The following LRRC7 variants were observed in gnomAD, a reference collection of about 807,000 sequenced individuals.
LRRC7 encodes the protein leucine rich repeat containing 7, also known as leucine-rich repeat-containing protein 7.
LRRC7 carries 23 observed loss-of-function variants against 175.7 expected under a neutral mutation model. The ratio of observed to expected loss-of-function variants is 0.13; its 90% CI spans 0.09 to 0.19. The LOEUF is 0.19. LRRC7 is among the 10% of genes least tolerant of loss of function. The pLI, the probability that LRRC7 is intolerant of heterozygous loss-of-function variation, is 1.00. For missense variants in LRRC7, 1,354 were observed against 1,904.7 expected (o/e 0.71, Z 5.38); for synonymous variants, 685 against 680.9 (o/e 1.01, Z -0.09).
intron 7 of LRRC7, among the ~76,000 whole-genome samples, chr1:69,870,674 G>A (rs753848013): frequency 2.0e-5 from 3 of 151,806 alleles, no homozygotes; most frequent in South Asian, 2.1e-4. Context: ...TATAGTAAAC[G>A]CTTATGGAGA....
rs1016852978 is a variant in LRRC7, at chr1:69,601,113, G to A, written c.2+32472G>A. On this transcript the variant is annotated intron_variant, in intron 1 of 26. Transcript: ENST00000651989. ...TTACAGGCATGAGCCACCGTGCCTC[G>A]CCCCTGGTTCTTTTTATTAAAGAAT... Among the ~76,000 whole-genome samples, 12 of 152,024 alleles carry A rather than the reference G, an allele frequency of 7.9e-5. No homozygotes were observed. The South Asian group carries it at 1.0e-3, about 13-fold the overall frequency.
intron 1 of LRRC7, among the ~76,000 whole-genome samples, chr1:69,581,019 A>C (rs1254608587): frequency 6.6e-6 from 1 of 152,156 alleles, no homozygotes; most frequent in Non-Finnish European, 1.5e-5. Context: ...GGTACACTGG[A>C]GGGCAATGTG....
chr1:69,721,291 G>A (rs1190037544), intron 2 of LRRC7, among the ~76,000 whole-genome samples: 1 of 151,750 alleles, frequency 6.6e-6, no homozygotes, highest in African/African-American at 2.4e-5. Flanking sequence ...CTATGGGTTT[G>A]GACAAATGTA....
At chr1:69,737,277 C>T (rs1172975532) in intron 2 of LRRC7, among the ~76,000 whole-genome samples, 2 of 152,020 alleles carry the variant, frequency 1.3e-5, no homozygotes, top group Non-Finnish European at 2.9e-5. Context: ...TTTTCCCATG[C>T]TGTTCTCGTG....
intron 18 of LRRC7, among the ~76,000 whole-genome samples, chr1:70,033,569 A>G (rs1289234361): frequency 1.3e-5 from 2 of 151,974 alleles, no homozygotes; most frequent in African/African-American, 4.8e-5. Context: ...ACAAGTTCAT[A>G]ATTAGCTGAT....
chr1:69,788,156 A>C (rs139891958), intron 3 of LRRC7, among the ~76,000 whole-genome samples: 14 of 152,280 alleles, frequency 9.2e-5, no homozygotes, highest in African/African-American at 2.6e-4. Context: ...GAGTCCAAGC[A>C]GTCTTCTATC....
At chr1:69,762,869 A>G (rs1256707059) in intron 3 of LRRC7, among the ~76,000 whole-genome samples, 3 of 152,072 alleles carry the variant, frequency 2.0e-5, no homozygotes, top group African/African-American at 7.2e-5. Flanking sequence ...ATTATCCTTT[A>G]TCATTGACCT....
chr1:69,782,762 G>A (rs1673917962), intron 3 of LRRC7, among the ~76,000 whole-genome samples: 1 of 152,156 alleles, frequency 6.6e-6, no homozygotes, highest in African/African-American at 2.4e-5. Flanking sequence ...TGCTTTTTTA[G>A]AAGGAACATG....
chr1:69,931,410 G>A (rs1352323267), intron 7 of LRRC7, 97 bp from the exon 8 acceptor site: 8 of 904,534 alleles, frequency 8.8e-6, no homozygotes, highest in East Asian at 5.2e-5. Flanking sequence ...TGTGTACTAC[G>A]CAATCAGGTA....
chr1:69,909,138 C>T (rs1262688116), intron 7 of LRRC7, among the ~76,000 whole-genome samples: 5 of 152,030 alleles, frequency 3.3e-5, no homozygotes, highest in Non-Finnish European at 1.5e-5. Context: ...CTTCCTCCAT[C>T]CTTTTATTTT....
intron 7 of LRRC7, among the ~76,000 whole-genome samples, chr1:69,857,074 T>TA (rs1231734201): frequency 6.6e-6 from 1 of 152,180 alleles, no homozygotes; most frequent in Non-Finnish European, 1.5e-5. Context: ...TCCTTCATGC[T>TA]AAAAACTCTC....
chr1:69,800,411 A>G (rs1676331729), intron 4 of LRRC7, among the ~76,000 whole-genome samples: 1 of 151,898 alleles, frequency 6.6e-6, no homozygotes, highest in Non-Finnish European at 1.5e-5. Flanking sequence ...GTCATCTACA[A>G]TTTGTTTCAC....
At chr1:69,878,897 GTA>G (rs1441799448) in intron 7 of LRRC7, among the ~76,000 whole-genome samples, 2 of 147,802 alleles carry the variant, frequency 1.4e-5, no homozygotes, top group African/African-American at 4.9e-5. Context: ...ATTATAAAAT[GTA>G]TATATACATA....
intron 7 of LRRC7, among the ~76,000 whole-genome samples, chr1:69,907,445 A>T (rs1646356691): frequency 6.6e-6 from 1 of 152,082 alleles, no homozygotes; most frequent in African/African-American, 2.4e-5. Context: ...ATCCATACCT[A>T]ATTTATTGAG....
chr1:69,895,647 T>G (rs1281751402), intron 7 of LRRC7, among the ~76,000 whole-genome samples: 2 of 152,336 alleles, frequency 1.3e-5, no homozygotes, highest in African/African-American at 2.4e-5. Flanking sequence ...TCACTATAGA[T>G]GAGTCTGACT....
In LRRC7 at chr1:70,129,219, C is replaced by G. The variant is rs555699297; in HGVS notation, c.*7332C>G. The stretch of plus-strand genomic sequence containing the variant: ...CTGAGATGGCGCCACAGCTCTCCAG[C>G]CTGGGTGACAGAGTGAGACTCCATC... On this transcript the variant is annotated 3_prime_UTR_variant, in exon 27 of 27. Coordinates refer to ENST00000651989, the MANE Select transcript of LRRC7 (RefSeq NM_001370785.2). Among the ~76,000 whole-genome samples, 38 of 150,924 alleles carry G rather than the reference C, an allele frequency of 2.5e-4. No homozygotes were observed. The highest frequency in any genetic ancestry group is 8.8e-4 in the African/African-American group (36 of 41,052).
rs1660846315 is a variant in LRRC7, at chr1:70,052,798, T to C, written c.4111-228T>C. ...ATCTAAATTTTTCCTTAAAATTCAGTGAACAACTCTAAGATGGTTATTTTA... is the reference window on the plus strand; with the variant it reads ...ATCTAAATTTTTCCTTAAAATTCAGCGAACAACTCTAAGATGGTTATTTTA... On this transcript the variant is annotated intron_variant, in intron 22 of 26. Coordinates refer to ENST00000651989, the MANE Select transcript of LRRC7 (RefSeq NM_001370785.2). Among the ~76,000 whole-genome samples the C allele has an allele frequency of 2.6e-5, 4 of 152,168 alleles. No homozygotes were observed. The South Asian group carries it at 8.3e-4, about 32-fold the overall frequency.
chr1:70,078,808 G>GCA (rs1553200890), intron 24 of LRRC7, among the ~76,000 whole-genome samples: 10 of 90,778 alleles, frequency 1.1e-4, no homozygotes, highest in Non-Finnish European at 8.9e-5. Context: ...GCGCGCGCGC[G>GCA]CGCACACACA....
At chr1:69,752,410 A>G (rs1035792865) in intron 2 of LRRC7, among the ~76,000 whole-genome samples, 2 of 152,178 alleles carry the variant, frequency 1.3e-5, no homozygotes, top group African/African-American at 4.8e-5. Context: ...CTTTCCAGGT[A>G]TGGAATATTA....
Sources: gnomAD v4.1 joint callset for allele counts (sites outside exome capture counted in the v4.1 genomes callset) on GRCh38, gnomAD v4.1.1 for gene constraint, MANE v1.5 for transcripts, NCBI Gene and HGNC (gene_info 2026-07-23, HGNC 2026-07-21) for gene names.